ATP2A2: variants seen among roughly 807,000 people sequenced by gnomAD.
ATP2A2 encodes the protein sarcoplasmic/endoplasmic reticulum calcium ATPase 2.
Under a neutral mutation model 109.3 loss-of-function variants are expected in ATP2A2, and 14 were observed. The ratio of observed to expected loss-of-function variants is 0.13; its 90% CI spans 0.08 to 0.20. ATP2A2 has a LOEUF of 0.20. Among genes scored for constraint, ATP2A2 ranks in the 10% least tolerant of loss-of-function variants. ATP2A2 has a pLI of 1.00. For missense variants in ATP2A2, 657 were observed against 1,321.6 expected, an observed-to-expected ratio of 0.50 and a Z score of 7.80; for synonymous variants, 506 against 490.9, an observed-to-expected ratio of 1.03 and a Z score of -0.41.
In ATP2A2 at chr12:110,281,775, C is replaced by T. The variant is rs373966549; in HGVS notation, c.-15C>T. 2.4e-4 allele frequency: 350 copies of T among 1,485,860 alleles called. 1 individual carries two copies. The highest frequency in any genetic ancestry group is 4.2e-4 in the Admixed American group (18 of 43,070). The allele number at this position is 1,485,860 out of a possible 1,614,324, so 92.0% of individuals were successfully genotyped here. ...CGCGGGGACGGGAGGCGAGGCCGGC[C>T]GGGCCCCCGAAGCCATGGAGAACGC... On this transcript the variant is annotated 5_prime_UTR_variant, in exon 1 of 20. Transcript: ENST00000539276.
chr12:110,326,244 C>T, intron 6 of ATP2A2, 146 bp from the exon 7 acceptor site: 1 of 717,042 alleles, frequency 1.4e-6, no homozygotes, highest in Non-Finnish European at 2.5e-6. Flanking sequence ...CCCAGCTTAC[C>T]TCCTTTGAAT....
At chr12:110,304,021 TTTA>T (rs1178006239) in intron 5 of ATP2A2, among the ~76,000 whole-genome samples, 4 of 152,176 alleles carry the variant, frequency 2.6e-5, no homozygotes, top group Non-Finnish European at 5.9e-5. Flanking sequence ...ACAACCACAG[TTTA>T]TTATCTGTTT....
At chr12:110,323,253 C>T (rs766090339) in intron 6 of ATP2A2, among the ~76,000 whole-genome samples, 181 bp downstream of exon 6, 2 of 152,172 alleles carry the variant, frequency 1.3e-5, no homozygotes, top group Non-Finnish European at 2.9e-5. Flanking sequence ...GGCGTGATTG[C>T]GGCTCACTGC....
chr12:110,281,236 C>T (rs1456307776), upstream of ATP2A2: 1 of 151,070 alleles, frequency 6.6e-6, no homozygotes, highest in Non-Finnish European at 1.5e-5. Flanking sequence ...AGGCAGCGGC[C>T]GATAAATGCT....
In ATP2A2 at chr12:110,342,510, G is replaced by T; in HGVS notation, c.2318+62G>T. The T allele has an allele frequency of 6.4e-7, 1 of 1,551,586 alleles. No individual in the cohort carries two copies. ...TTATCTAAATGGGTCATGGAGCCCAGTTCTCGCAGTTTGCTCTCCAGATTG... is the reference window on the plus strand; with the variant it reads ...TTATCTAAATGGGTCATGGAGCCCATTTCTCGCAGTTTGCTCTCCAGATTG... On this transcript the variant is annotated intron_variant, in intron 15 of 19. Coordinates refer to ENST00000539276, the MANE Select transcript of ATP2A2 (RefSeq NM_170665.4). This position sits in a 1 kb window ranked among gnomAD's most constrained non-coding sequence, Gnocchi z 4.6.
chr12:110,345,472 C>A, intron 18 of ATP2A2, 90 bp downstream of exon 18: 1 of 1,561,204 alleles, frequency 6.4e-7, no homozygotes, highest in Non-Finnish European at 8.8e-7. Context: ...TTGAGGATCA[C>A]AGGACAGTTC....
At chr12:110,345,670 C>T (rs1239491836) in intron 18 of ATP2A2, 5 of 572,218 alleles carry the variant, frequency 8.7e-6, no homozygotes, top group African/African-American at 7.5e-5. Flanking sequence ...GAAGGAACCT[C>T]ACCCTTTCAC....
chr12:110,321,106 T>C (rs1477018802), intron 5 of ATP2A2, among the ~76,000 whole-genome samples: 1 of 152,172 alleles, frequency 6.6e-6, no homozygotes, highest in East Asian at 1.9e-4. Context: ...CGCACGCCTG[T>C]AGTCCCGGTT....
In ATP2A2 at chr12:110,346,318, C is replaced by T. The variant is rs745723445; in HGVS notation, c.2977C>T (p.Pro993Ser). 6.2e-7 allele frequency: 1 copy of T among 1,614,018 alleles called. No homozygotes were observed. Among genetic ancestry groups the T allele is most frequent in the African/African-American group, 1.3e-5 (1 of 74,904 alleles). The change falls in exon 20 of 20, where the codon CCT becomes TCT. Residue 993 changes from proline (P) to serine (S), a missense_variant. Transcript: ENST00000539276. ...LKFVARNYLE[P>S]GKECVQPATK... ...GTTTGTGGCCCGCAACTACCTGGAA[C>T]CTGGTAAAGAGTGTGTGCAGCCTGC...
chr12:110,294,431 G>A (rs531524797), intron 4 of ATP2A2, among the ~76,000 whole-genome samples: 5 of 152,246 alleles, frequency 3.3e-5, no homozygotes, highest in East Asian at 3.9e-4. Context: ...AAGCTGAGGC[G>A]GGTGGATCAG....
intron 5 of ATP2A2, among the ~76,000 whole-genome samples, chr12:110,321,459 C>T (rs1281007580): frequency 6.6e-6 from 1 of 152,164 alleles, no homozygotes; most frequent in Non-Finnish European, 1.5e-5. Flanking sequence ...AAATCACGGA[C>T]AGCTGTTTTG....
intron 1 of ATP2A2, 144 bp downstream of exon 1, chr12:110,282,051 C>A: frequency 1.7e-6 from 1 of 574,084 alleles, no homozygotes; most frequent in Admixed American, 4.0e-5. Context: ...GCCGGCCCCG[C>A]GGGAGAGAAA....
chr12:110,291,994 AT>A (rs1566202277), intron 3 of ATP2A2, 25 bp from the exon 4 acceptor site: 1 of 1,594,246 alleles, frequency 6.3e-7, no homozygotes, highest in Admixed American at 1.7e-5. Flanking sequence ...AAAAAGACAC[AT>A]TCTAACGTGC....
intron 5 of ATP2A2, among the ~76,000 whole-genome samples, chr12:110,320,425 T>C (rs930395319): frequency 6.6e-6 from 1 of 152,206 alleles, no homozygotes; most frequent in Non-Finnish European, 1.5e-5. Context: ...CAAAGGAACA[T>C]TTGGAAATAA....
chr12:110,345,125 AT>A, intron 17 of ATP2A2, 123 bp from the exon 18 acceptor site: 1 of 1,534,328 alleles, frequency 6.5e-7, no homozygotes, highest in Non-Finnish European at 9.0e-7. Context: ...TCTCCGAGAA[AT>A]TGGGGTAAAC....
chr12:110,318,599 A>G (rs970948125), intron 5 of ATP2A2, among the ~76,000 whole-genome samples: 1 of 152,032 alleles, frequency 6.6e-6, no homozygotes, highest in African/African-American at 2.4e-5. Flanking sequence ...TTAGCCTCCC[A>G]AGTAGCTGGG....
chr12:110,309,160 T>C (rs1282452026), intron 5 of ATP2A2, among the ~76,000 whole-genome samples: 1 of 123,930 alleles, frequency 8.1e-6, no homozygotes, highest in African/African-American at 3.0e-5. Flanking sequence ...TTTTTTTTTT[T>C]TTTTTTTTTT....
At chr12:110,284,732 A>C (rs1474568618) in intron 3 of ATP2A2, among the ~76,000 whole-genome samples, 1 of 152,168 alleles carries the variant, frequency 6.6e-6, no homozygotes, top group Non-Finnish European at 1.5e-5. Flanking sequence ...CCTTTTTGGT[A>C]ACTGTGGAGT....
chr12:110,331,496 C>T (rs112414115), intron 8 of ATP2A2: 21,085 of 152,012 alleles, frequency 0.14, 2,147 homozygotes, highest in African/African-American at 0.29. Context: ...CCCACCACCA[C>T]GCCCGGCTAA....
Sources: allele counts gnomAD v4.1 joint callset (sites outside exome capture counted in the v4.1 genomes callset), GRCh38; gene constraint gnomAD v4.1.1; non-coding constraint Gnocchi (gnomAD v3.1); transcripts MANE v1.5; gene names NCBI Gene and HGNC (gene_info 2026-07-23, HGNC 2026-07-21).